NALF1: variants seen among roughly 807,000 people sequenced by gnomAD.
NALF1 encodes the protein NALCN channel auxiliary factor 1, also known as family with sequence similarity 155 member A.
In NALF1, 3 loss-of-function variants were observed where a neutral mutation model predicts 48.4. That is an observed-to-expected ratio of 0.06 (90% confidence interval 0.03 to 0.16). The LOEUF (loss-of-function observed/expected upper bound fraction) is 0.16. Ranked by LOEUF, NALF1 falls within the 10% of genes least tolerant of loss-of-function variation. The probability of loss-of-function intolerance (pLI) is 1.00; values close to 1 mark genes in which losing one functional copy is unlikely to be tolerated. For synonymous variants in NALF1, 262 were observed against 245.7 expected (o/e 1.07, Z -0.62); for missense variants, 526 against 571.5 (o/e 0.92, Z 0.81).
At chr13:107,658,542 A>T (rs1880645557) in intron 1 of NALF1, among the ~76,000 whole-genome samples, 1 of 152,116 alleles carries the variant, frequency 6.6e-6, no homozygotes, top group African/African-American at 2.4e-5. Context: ...TCTGGTTTAG[A>T]CTGGTCCCTT....
intron 1 of NALF1, among the ~76,000 whole-genome samples, chr13:107,293,019 C>T (rs1245802006): frequency 3.4e-5 from 2 of 59,428 alleles, no homozygotes; most frequent in African/African-American, 1.3e-4. Context: ...TGAGCTCTGT[C>T]GCCCAGGCTG....
At chr13:107,665,064 C>T (rs191107904) in intron 1 of NALF1, among the ~76,000 whole-genome samples, 37 of 152,178 alleles carry the variant, frequency 2.4e-4, no homozygotes, top group Non-Finnish European at 1.5e-5. Context: ...AAAAAATTAG[C>T]TTTGAACTCC....
At chr13:107,346,648 AG>A (rs1882777788) in intron 1 of NALF1, among the ~76,000 whole-genome samples, 1 of 152,236 alleles carries the variant, frequency 6.6e-6, no homozygotes, top group South Asian at 2.1e-4. Context: ...TAATAGGTGT[AG>A]CATGTGGTCA....
intron 1 of NALF1, among the ~76,000 whole-genome samples, chr13:107,732,600 C>T (rs1420750781): frequency 6.6e-6 from 1 of 152,146 alleles, no homozygotes; most frequent in African/African-American, 2.4e-5. Context: ...GGAATAACCA[C>T]ATCGTTATTC....
At chr13:107,453,692 G>A (rs1016214948) in intron 1 of NALF1, among the ~76,000 whole-genome samples, 1 of 152,130 alleles carries the variant, frequency 6.6e-6, no homozygotes, top group African/African-American at 2.4e-5. Flanking sequence ...AGCCAGCTTG[G>A]ATTTCTCCTA....
At chr13:107,426,237 C>T (rs531360766) in intron 1 of NALF1, among the ~76,000 whole-genome samples, 2 of 152,286 alleles carry the variant, frequency 1.3e-5, no homozygotes, top group Admixed American at 1.3e-4. Context: ...GGAAGGCCTT[C>T]TTTGACTTTT....
chr13:107,513,497 C>CTT (rs370771343), intron 1 of NALF1, among the ~76,000 whole-genome samples: 1 of 146,162 alleles, frequency 6.8e-6, no homozygotes. Flanking sequence ...AGCATCCCAT[C>CTT]TTTTTTTTTT....
chr13:107,693,349 C>T (rs1344984449), intron 1 of NALF1, among the ~76,000 whole-genome samples: 1 of 150,400 alleles, frequency 6.6e-6, no homozygotes, highest in Non-Finnish European at 1.5e-5. Context: ...GGAGGGATAG[C>T]ATTAGGAGAT....
chr13:107,811,874 G>C (rs75010541), intron 1 of NALF1, among the ~76,000 whole-genome samples: 8,333 of 152,140 alleles, frequency 0.055, 789 homozygotes, highest in African/African-American at 0.19. Context: ...CTCCTAATAC[G>C]ATGGGAATTA....
intron 1 of NALF1, among the ~76,000 whole-genome samples, chr13:107,266,748 A>C (rs1352684325): frequency 6.6e-6 from 1 of 152,262 alleles, no homozygotes; most frequent in Non-Finnish European, 1.5e-5. Context: ...CAGGAAATAA[A>C]AGTATGCACA....
chr13:107,865,759 C>T lies in NALF1; in HGVS notation c.838G>A (p.Glu280Lys). 1 of 1,614,114 alleles carries T rather than the reference C, an allele frequency of 6.2e-7. No homozygotes were observed. The highest frequency in any genetic ancestry group is 2.2e-5 in the East Asian group (1 of 44,846). ...DYDHHAQEKY[E>K]EFESVLHKYL... ...TTGTGGAGCACGCTTTCAAACTCTT[C>T]GTATTTCTCCTGAGCATGGTGGTCA... is the stretch of plus-strand genomic sequence containing the variant. Residue 280 changes from glutamate to lysine, a missense_variant, in exon 1 of 3, where the codon GAA becomes AAA. Physicochemically the swap from Glu to Lys is moderately conservative, Grantham distance 56. Around this residue, in one of 2 missense-constraint regions of NALF1, gnomAD observed 153 missense variants for 215.9 expected, o/e 0.71. Coordinates refer to ENST00000375915, the MANE Select transcript of NALF1 (RefSeq NM_001080396.3).
intron 2 of NALF1, among the ~76,000 whole-genome samples, chr13:107,200,567 T>C (rs4771555): frequency 0.52 from 79,179 of 152,076 alleles, 22,134 homozygotes; most frequent in African/African-American, 0.72. Context: ...GTAAAATTCA[T>C]AAGCTGTGGT....
intron 1 of NALF1, among the ~76,000 whole-genome samples, chr13:107,586,334 A>G (rs1322255112): frequency 1.3e-5 from 2 of 152,046 alleles, no homozygotes; most frequent in African/African-American, 2.4e-5. Flanking sequence ...GCAGTCTTAT[A>G]CCCCTTTACT....
chr13:107,798,638 A>G lies in NALF1; in HGVS notation c.915+67044T>C, dbSNP rs527414156. Among the ~76,000 whole-genome samples the G allele has an allele frequency of 3.9e-5, 6 of 152,322 alleles. No homozygotes were observed. In the South Asian group the frequency reaches 1.2e-3, roughly 32 times the overall value. On this transcript the variant is annotated intron_variant, in intron 1 of 2. Coordinates refer to ENST00000375915, the MANE Select transcript of NALF1 (RefSeq NM_001080396.3). The stretch of plus-strand genomic sequence containing the variant: ...ACAAGTGATTACAATTTAATTTATT[A>G]GAAAACAACCCCAAGGAATTCAGAC...
At chr13:107,857,234 A>T (rs373966011) in intron 1 of NALF1, among the ~76,000 whole-genome samples, 1 of 152,170 alleles carries the variant, frequency 6.6e-6, no homozygotes, top group East Asian at 1.9e-4. Context: ...TACCCACTTC[A>T]TCTCAGTCCT....
At chr13:107,187,575 AAT>A (rs1278835630) in intron 2 of NALF1, among the ~76,000 whole-genome samples, 1 of 152,150 alleles carries the variant, frequency 6.6e-6, no homozygotes, top group Non-Finnish European at 1.5e-5. Flanking sequence ...ACACTCATTC[AAT>A]GTTTGTTGAA....
chr13:107,747,303 A>G (rs1236467747), intron 1 of NALF1, among the ~76,000 whole-genome samples: 1 of 152,104 alleles, frequency 6.6e-6, no homozygotes, highest in African/African-American at 2.4e-5. Flanking sequence ...CTCCATCTCT[A>G]TATTTAAAAG....
intron 1 of NALF1, among the ~76,000 whole-genome samples, chr13:107,257,169 T>C (rs569748013): frequency 6.8e-4 from 103 of 152,228 alleles, no homozygotes; most frequent in Non-Finnish European, 1.4e-3. Context: ...AAGAATGGCA[T>C]GGGGAAACCA....
chr13:107,565,020 C>T (rs2138396425), intron 1 of NALF1, among the ~76,000 whole-genome samples: 1 of 122,896 alleles, frequency 8.1e-6, no homozygotes, highest in East Asian at 2.9e-4. Flanking sequence ...GGAAACAAAG[C>T]TGCTGTATAA....
Sources: allele counts gnomAD v4.1 joint callset (sites outside exome capture counted in the v4.1 genomes callset), GRCh38; gene constraint gnomAD v4.1.1; regional missense constraint gnomAD v4.1.1; transcripts MANE v1.5; gene names NCBI Gene and HGNC (gene_info 2026-07-23, HGNC 2026-07-21).